Variants in CACFD1 observed in about 807,000 individuals in gnomAD.
The protein encoded by CACFD1 is calcium channel flower domain containing 1, also known as calcium channel flower homolog.
CACFD1 carries 26 observed loss-of-function variants against 21.3 expected under a neutral mutation model. The observed-to-expected ratio is 1.22, with a 90% CI of 0.89 to 1.69. The LOEUF (loss-of-function observed/expected upper bound fraction) is 1.69. Among genes scored for constraint, CACFD1 ranks in the 40% most tolerant of loss-of-function variants. CACFD1 has a pLI of 0.00. For missense variants in CACFD1, 265 were observed against 236.2 expected, an observed-to-expected ratio of 1.12 and a Z score of -0.80; for synonymous variants, 121 against 106.6, an observed-to-expected ratio of 1.13 and a Z score of -0.83.
chr9:133,467,813 C>T (rs1843497404), intron 3 of CACFD1, 108 bp from the exon 4 acceptor site: 3 of 764,632 alleles, frequency 3.9e-6, no homozygotes, highest in Admixed American at 2.0e-5. Flanking sequence ...GGGGATCCTT[C>T]CTGTGCCCTG....
Position 133,465,659 on chromosome 9 carries a change from G to A in CACFD1, c.320+212G>A, listed in dbSNP as rs782598301. ...CCAGGAACTCAGCTGTCGCTGTGCC[G>A]TAGTCACTGGAAGGTTCAGAGGTAT... On this transcript the variant is annotated intron_variant, in intron 3 of 4. Coordinates refer to ENST00000316948, the MANE Select transcript of CACFD1 (RefSeq NM_017586.5). This position sits in a 1 kb window ranked among gnomAD's most constrained non-coding sequence, Gnocchi z 5.0. 3.7e-5 allele frequency: 21 copies of A among 572,882 alleles called. No individual in the cohort carries two copies. The highest frequency in any genetic ancestry group is 3.2e-4 in the Admixed American group (10 of 31,450). The allele number at this position is 572,882 out of a possible 1,614,324, so 35.5% of individuals were successfully genotyped here.
intron 1 of CACFD1, chr9:133,462,290 C>T: frequency 3.1e-6 from 4 of 1,303,306 alleles, no homozygotes; most frequent in Non-Finnish European, 4.0e-6. Flanking sequence ...ACAGGCAGGC[C>T]CCTGTGTACC....
intron 3 of CACFD1, among the ~76,000 whole-genome samples, chr9:133,466,254 T>C (rs1843431571): frequency 6.6e-6 from 1 of 152,228 alleles, no homozygotes; most frequent in Non-Finnish European, 1.5e-5. Context: ...TTCAAAAAAC[T>C]GTATTTTAAA....
At chr9:133,460,890 C>A (rs1277356295) in intron 1 of CACFD1, among the ~76,000 whole-genome samples, 3 of 152,202 alleles carry the variant, frequency 2.0e-5, no homozygotes, top group African/African-American at 7.2e-5. Flanking sequence ...CGCACGCATC[C>A]CAGTCACAGA....
intron 4 of CACFD1, 51 bp downstream of exon 4, chr9:133,468,079 C>T (rs1554799952): frequency 6.8e-7 from 1 of 1,472,288 alleles, no homozygotes; most frequent in South Asian, 1.2e-5. Context: ...CCTCCGCCCC[C>T]CGAAGTCCTT....
chr9:133,464,036 G>A (rs587618761), intron 2 of CACFD1, among the ~76,000 whole-genome samples: 50 of 152,334 alleles, frequency 3.3e-4, no homozygotes, highest in African/African-American at 1.1e-3. Context: ...GAGGCGGGTC[G>A]GAGTTGTCAC....
At chr9:133,468,386 C>T (rs782046165) in intron 4 of CACFD1, 177 bp from the exon 5 acceptor site, 33 of 1,535,874 alleles carry the variant, frequency 2.1e-5, no homozygotes, top group South Asian at 2.1e-4. Flanking sequence ...TCCCAGGGAG[C>T]CTGGGCCATT....
At position 133,460,198 on chromosome 9, in the gene CACFD1, A is replaced by C; in HGVS notation, c.121+11A>C. The C allele has an allele frequency of 4.6e-6, 7 of 1,525,054 alleles. No homozygotes were observed. Among genetic ancestry groups the C allele is most frequent in the Non-Finnish European group, 6.2e-6 (7 of 1,137,512 alleles). The allele number at this position is 1,525,054 out of a possible 1,614,324, so 94.5% of individuals were successfully genotyped here. On this transcript the variant is annotated intron_variant, in intron 1 of 4. Transcript: ENST00000316948. ...TGCTGGGGGCAGTCTGTGAGTATCC[A>C]GTCGGGGAGAGGGGCCGGCCCCGCC...
chr9:133,463,092 C>T (rs986477277), intron 1 of CACFD1, among the ~76,000 whole-genome samples: 1 of 152,224 alleles, frequency 6.6e-6, no homozygotes, highest in Non-Finnish European at 1.5e-5. Flanking sequence ...TTACCGAAGG[C>T]TGAGTCTTGG....
In CACFD1 at chr9:133,465,095, G is replaced by T. The variant is rs1843380675; in HGVS notation, c.195-227G>T. On this transcript the variant is annotated intron_variant, in intron 2 of 4. Transcript: ENST00000316948. This position sits in a 1 kb window ranked among gnomAD's most constrained non-coding sequence, Gnocchi z 5.0. ...CCCTCTAGGAGTGTTCAGTTCAGCT[G>T]GGGAGATGGGTGTGCAGGAGCAGCT... The T allele has an allele frequency of 7.0e-6, 4 of 569,202 alleles. No homozygotes were observed. The South Asian group carries it at 8.0e-5, about 11-fold the overall frequency. The allele number at this position is 569,202 out of a possible 1,614,324, so 35.3% of individuals were successfully genotyped here.
Position 133,465,632 on chromosome 9 carries a change from G to A in CACFD1, c.320+185G>A, listed in dbSNP as rs903654209. On this transcript the variant is annotated intron_variant, in intron 3 of 4. Coordinates refer to ENST00000316948, the MANE Select transcript of CACFD1 (RefSeq NM_017586.5). This position sits in a 1 kb window ranked among gnomAD's most constrained non-coding sequence, Gnocchi z 5.0. ...CCAAAACGTGCCCCAGTGGTTCTGCGCCCAGGAACTCAGCTGTCGCTGTGC... is the reference window on the plus strand; with the variant it reads ...CCAAAACGTGCCCCAGTGGTTCTGCACCCAGGAACTCAGCTGTCGCTGTGC... 1.6e-5 allele frequency: 10 copies of A among 619,740 alleles called. No homozygotes were observed. The highest frequency in any genetic ancestry group is 2.8e-5 in the Non-Finnish European group (10 of 359,058). 38.4% of individuals were successfully genotyped at this position (619,740 alleles called of 1,614,324 possible).
At chr9:133,462,723 G>T (rs959379193) in intron 1 of CACFD1, among the ~76,000 whole-genome samples, 1 of 152,346 alleles carries the variant, frequency 6.6e-6, no homozygotes, top group Admixed American at 6.5e-5. Context: ...CCCTGCTGGT[G>T]AGGTGCAGCT....
In CACFD1 at chr9:133,460,192, G is replaced by A. The variant is rs886170253; in HGVS notation, c.121+5G>A. ...CTGGGGTGCTGGGGGCAGTCTGTGAGTATCCAGTCGGGGAGAGGGGCCGGC... is the reference window on the plus strand; with the variant it reads ...CTGGGGTGCTGGGGGCAGTCTGTGAATATCCAGTCGGGGAGAGGGGCCGGC... On this transcript the variant is annotated splice_donor_5th_base_variant and intron_variant, in intron 1 of 4. Coordinates refer to ENST00000316948, the MANE Select transcript of CACFD1 (RefSeq NM_017586.5). 16 of 1,537,618 alleles carry A rather than the reference G, an allele frequency of 1.0e-5. No individual in the cohort carries two copies. The Admixed American group carries it at 2.8e-4, about 27-fold the overall frequency.
In CACFD1 at chr9:133,460,132, C is replaced by T; in HGVS notation, c.66C>T (p.Gly22=). 1 of 1,561,696 alleles carries T rather than the reference C, an allele frequency of 6.4e-7. No homozygotes were observed. Among genetic ancestry groups the T allele is most frequent in the Non-Finnish European group, 8.7e-7 (1 of 1,152,698 alleles). Residue 22 remains glycine (G), a synonymous_variant, in exon 1 of 5, where the codon GGC becomes GGT. Coordinates refer to ENST00000316948, the MANE Select transcript of CACFD1 (RefSeq NM_017586.5). ...CTGCGCCGCCCGCGCAGGAAGAGGGCATGACGTGGTGGTACCGCTGGCTGT... is the reference window on the plus strand; with the variant it reads ...CTGCGCCGCCCGCGCAGGAAGAGGGTATGACGTGGTGGTACCGCTGGCTGT... ...ASSAPPAQEE[G]MTWWYRWLCR...
Position 133,468,010 on chromosome 9 carries a change from TCTCTG to T in CACFD1, c.416_420del (p.Ala139GlyfsTer21). ...TTTGCTACGGGGGTGCTGTACGGAC[TCTCTG>T]CTCTGGGCAAAAAGTGCGTCTGCCA... is the stretch of plus-strand genomic sequence containing the variant. On this transcript the variant is annotated frameshift_variant, in exon 4 of 5. Coordinates refer to ENST00000316948, the MANE Select transcript of CACFD1 (RefSeq NM_017586.5). LOFTEE classifies it high-confidence loss of function. 6.2e-7 allele frequency: 1 copy of T among 1,613,758 alleles called. No individual in the cohort carries two copies. Among genetic ancestry groups the T allele is most frequent in the African/African-American group, 1.3e-5 (1 of 75,038 alleles).
intron 2 of CACFD1, chr9:133,464,985 C>A (rs969235154): frequency 1.7e-5 from 4 of 240,148 alleles, no homozygotes; most frequent in Non-Finnish European, 3.3e-5. Context: ...CCTGCCGCAG[C>A]GTTGTAGCAG....
At chr9:133,466,329 C>T (rs1843434435) in intron 3 of CACFD1, among the ~76,000 whole-genome samples, 1 of 152,194 alleles carries the variant, frequency 6.6e-6, no homozygotes, top group South Asian at 2.1e-4. Flanking sequence ...TACTCGAAGC[C>T]CGCTGCCTGC....
Position 133,468,639 on chromosome 9 carries a change from G to A in CACFD1, c.505G>A (p.Glu169Lys), listed in dbSNP as rs1554800175. The change falls in exon 5 of 5, where the codon GAG (glutamate) becomes AAG (lysine). Residue 169 changes from glutamate to lysine, a missense_variant. Coordinates refer to ENST00000316948, the MANE Select transcript of CACFD1 (RefSeq NM_017586.5). The stretch of plus-strand genomic sequence containing the variant: ...TGAGGAGAAGCTCGCGGAGACCCTG[G>A]AGGGGGAGCTGTGAAGGGCTGGGCG... ...ADEEKLAETLEGEL is the reference protein window; with the variant it reads ...ADEEKLAETLKGEL 6.3e-7 allele frequency: 1 copy of A among 1,579,108 alleles called. No individual in the cohort carries two copies. Among genetic ancestry groups the A allele is most frequent in the Non-Finnish European group, 8.6e-7 (1 of 1,165,436 alleles).
Position 133,465,196 on chromosome 9 carries a change from C to T in CACFD1, c.195-126C>T. On this transcript the variant is annotated intron_variant, in intron 2 of 4. Transcript: ENST00000316948. The surrounding 1 kb of genome is among the most constrained non-coding windows in gnomAD (Gnocchi z 5.0). ...GCCCTGGAGCAGCCGGGCGGCTTCC[C>T]AGAGGAGGAGGGATGAGGGCAGGAG... is the stretch of plus-strand genomic sequence containing the variant. 8.5e-7 allele frequency: 1 copy of T among 1,176,500 alleles called. No individual in the cohort carries two copies. Among genetic ancestry groups the T allele is most frequent in the Non-Finnish European group, 1.2e-6 (1 of 801,948 alleles). The allele number at this position is 1,176,500 out of a possible 1,614,324, so 72.9% of individuals were successfully genotyped here. A position where few individuals can be genotyped will look rare whatever the true frequency, so the allele number is the denominator to read the frequency against.
Sources: gnomAD v4.1 joint callset for allele counts (sites outside exome capture counted in the v4.1 genomes callset) on GRCh38, gnomAD v4.1.1 for gene constraint, Gnocchi (gnomAD v3.1) non-coding constraint, MANE v1.5 for transcripts, NCBI Gene and HGNC (gene_info 2026-07-23, HGNC 2026-07-21) for gene names.